Variants in CUX2 observed in about 807,000 individuals in gnomAD.
The protein encoded by CUX2 is homeobox protein cut-like 2.
CUX2 carries 40 observed loss-of-function variants against 144.8 expected under a neutral mutation model. The ratio of observed to expected loss-of-function variants is 0.28; its 90% confidence interval spans 0.21 to 0.36. The LOEUF (loss-of-function observed/expected upper bound fraction) is 0.36. CUX2 is among the 10% of genes least tolerant of loss of function. CUX2 has a pLI of 1.00. For missense variants in CUX2, 1,615 were observed against 1,994.0 expected, an observed-to-expected ratio of 0.81 and a Z score of 3.62; for synonymous variants, 827 against 875.6, an observed-to-expected ratio of 0.94 and a Z score of 0.98.
At chr12:111,330,714 T>TATATATATATACATATAC (rs1888065792) in intron 18 of CUX2, among the ~76,000 whole-genome samples, 9 of 36,454 alleles carry the variant, frequency 2.5e-4, no homozygotes, top group Admixed American at 2.1e-3. Flanking sequence ...TATATATATA[T>TATATATATATACATATAC]ATATATATAT....
rs1432438053 is a variant in CUX2, at chr12:111,077,421, C to G, written c.63+43181C>G. 6.6e-6 allele frequency among the ~76,000 whole-genome samples: 1 copy of G among 151,664 alleles called. No homozygotes were observed. The highest frequency in any genetic ancestry group is 2.4e-5 in the African/African-American group (1 of 41,352). ...TCGACCTGAACCCCCTGGACTTCTG[C>G]CCCCCTGGACTGATGGCCTAAATCC... On this transcript the variant is annotated intron_variant, in intron 1 of 21. Coordinates refer to ENST00000261726, the MANE Select transcript of CUX2 (RefSeq NM_015267.4). The surrounding 1 kb of genome is among the most constrained non-coding windows in gnomAD (Gnocchi z 4.1).
intron 18 of CUX2, among the ~76,000 whole-genome samples, chr12:111,333,635 C>T (rs550734874): frequency 6.6e-5 from 10 of 152,258 alleles, no homozygotes; most frequent in African/African-American, 2.2e-4. Context: ...GATGCCATGT[C>T]CTTCTCAGGC....
intron 18 of CUX2, among the ~76,000 whole-genome samples, chr12:111,329,229 T>A (rs1365207609): frequency 1.3e-5 from 2 of 150,892 alleles, no homozygotes; most frequent in Non-Finnish European, 3.0e-5. Flanking sequence ...GGTTGGTCAC[T>A]CTGCTCTCTC....
At chr12:111,199,200 A>G (rs577515998) in intron 1 of CUX2, among the ~76,000 whole-genome samples, 1 of 152,190 alleles carries the variant, frequency 6.6e-6, no homozygotes, top group East Asian at 1.9e-4. Flanking sequence ...GTTCAACATC[A>G]CTATTATTCT....
chr12:111,338,556 C>T, intron 20 of CUX2, 82 bp downstream of exon 20: 1 of 1,334,236 alleles, frequency 7.5e-7, no homozygotes, highest in Non-Finnish European at 1.0e-6. Context: ...CCCACATAAA[C>T]CCAGGGCTCC....
intron 1 of CUX2, among the ~76,000 whole-genome samples, chr12:111,149,991 G>A (rs1592941588): frequency 6.6e-6 from 1 of 152,150 alleles, no homozygotes; most frequent in African/African-American, 2.4e-5. Context: ...CAGGACATCC[G>A]GACAGTGACT....
intron 21 of CUX2, among the ~76,000 whole-genome samples, chr12:111,344,275 A>G (rs1392336357): frequency 2.0e-5 from 3 of 152,110 alleles, no homozygotes; most frequent in African/African-American, 7.2e-5. Flanking sequence ...TAGTGAACCA[A>G]TCCCCGCCCT....
Position 111,293,494 on chromosome 12 carries a change from G to C in CUX2, c.485G>C (p.Ser162Thr). Residue 162 changes from serine (S) to threonine (T), a missense_variant, in exon 6 of 22, where the codon AGC becomes ACC. Physicochemically the swap from Ser to Thr is moderately conservative, Grantham distance 58. Coordinates refer to ENST00000261726, the MANE Select transcript of CUX2 (RefSeq NM_015267.4). This position sits in a 1 kb window ranked among gnomAD's most constrained non-coding sequence, Gnocchi z 4.5. ...SPAGPTLTEG[S>T]RLPGIPGKAL... ...GCCGGGCCCACGCTGACCGAGGGAA[G>C]CCGCCTCCCAGGCATTCCCGGGAAA... is the stretch of plus-strand genomic sequence containing the variant. 6.2e-7 allele frequency: 1 copy of C among 1,608,334 alleles called. No homozygotes were observed. The highest frequency in any genetic ancestry group is 1.7e-5 in the Admixed American group (1 of 59,058).
Position 111,077,906 on chromosome 12 carries a change from T to C in CUX2, c.63+43666T>C, listed in dbSNP as rs2136038741. Among the ~76,000 whole-genome samples the C allele has an allele frequency of 6.6e-6, 1 of 152,310 alleles. No homozygotes were observed. The highest frequency in any genetic ancestry group is 1.5e-5 in the Non-Finnish European group (1 of 68,020). ...TCTGTGGTTATTGATGGGAAAAGCA[T>C]TTATTTGTCAATGAAGAAATTTTTG... On this transcript the variant is annotated intron_variant, in intron 1 of 21. Coordinates refer to ENST00000261726, the MANE Select transcript of CUX2 (RefSeq NM_015267.4). This position sits in a 1 kb window ranked among gnomAD's most constrained non-coding sequence, Gnocchi z 4.1.
chr12:111,292,871 C>A lies in CUX2; in HGVS notation c.437-575C>A, dbSNP rs749722994. On this transcript the variant is annotated intron_variant, in intron 5 of 21. Coordinates refer to ENST00000261726, the MANE Select transcript of CUX2 (RefSeq NM_015267.4). ...GGCACGTTGGCTCACGCCTGTAATCCCAGCACTTTGGGAGGCCAAGGCGGG... is the reference window on the plus strand; with the variant it reads ...GGCACGTTGGCTCACGCCTGTAATCACAGCACTTTGGGAGGCCAAGGCGGG... 2.6e-5 allele frequency among the ~76,000 whole-genome samples: 4 copies of A among 152,090 alleles called. No homozygotes were observed. The South Asian group carries it at 8.3e-4, about 31-fold the overall frequency.
chr12:111,236,747 G>A (rs1882772422), intron 3 of CUX2, among the ~76,000 whole-genome samples: 1 of 152,224 alleles, frequency 6.6e-6, no homozygotes, highest in Admixed American at 6.5e-5. Context: ...GGAGACCTGG[G>A]TTCAAACTCT....
chr12:111,307,524 T>A lies in CUX2; in HGVS notation c.1109+267T>A, dbSNP rs542628843. Reference sequence around the variant, plus strand: ...GGCAACAATGGGGAGACCCCATCTCTGTGAGAAAAAAACAATTTTAATTAG... The same window carrying A: ...GGCAACAATGGGGAGACCCCATCTCAGTGAGAAAAAAACAATTTTAATTAG... On this transcript the variant is annotated intron_variant, in intron 12 of 21. Coordinates refer to ENST00000261726, the MANE Select transcript of CUX2 (RefSeq NM_015267.4). The surrounding 1 kb of genome is among the most constrained non-coding windows in gnomAD (Gnocchi z 4.1). Among the ~76,000 whole-genome samples, 1 of 152,036 alleles carries A rather than the reference T, an allele frequency of 6.6e-6. No individual in the cohort carries two copies. Among genetic ancestry groups the A allele is most frequent in the East Asian group, 1.9e-4 (1 of 5,130 alleles).
At chr12:111,164,667 A>G (rs1878012759) in intron 1 of CUX2, among the ~76,000 whole-genome samples, 1 of 152,152 alleles carries the variant, frequency 6.6e-6, no homozygotes, top group African/African-American at 2.4e-5. Context: ...TCAGCCCCCC[A>G]AGGTGTTCGT....
chr12:111,183,327 G>C (rs894620197), intron 1 of CUX2, among the ~76,000 whole-genome samples: 1 of 152,242 alleles, frequency 6.6e-6, no homozygotes, highest in Non-Finnish European at 1.5e-5. Flanking sequence ...GCCTGCTGGG[G>C]GTGGCTCCTG....
At position 111,059,612 on chromosome 12, in the gene CUX2, G is replaced by A. The variant is rs1870677703; in HGVS notation, c.63+25372G>A. On this transcript the variant is annotated intron_variant, in intron 1 of 21. Coordinates refer to ENST00000261726, the MANE Select transcript of CUX2 (RefSeq NM_015267.4). The surrounding 1 kb of genome is among the most constrained non-coding windows in gnomAD (Gnocchi z 5.3). ...GTATCCTAGAGGTGGGGAGGTGGGA[G>A]ATGAAGTGGGGGCAGGGTGGCAGGA... is the stretch of plus-strand genomic sequence containing the variant. Among the ~76,000 whole-genome samples the A allele has an allele frequency of 2.0e-5, 3 of 152,164 alleles. No homozygotes were observed. The highest frequency in any genetic ancestry group is 4.8e-5 in the African/African-American group (2 of 41,418).
chr12:111,235,562 A>G (rs1477544111), intron 3 of CUX2, among the ~76,000 whole-genome samples: 1 of 152,074 alleles, frequency 6.6e-6, no homozygotes, highest in Non-Finnish European at 1.5e-5. Flanking sequence ...CTGTACTAAA[A>G]ATACAAAAAT....
In CUX2 at chr12:111,293,085, T is replaced by C. The variant is rs1375298417; in HGVS notation, c.437-361T>C. 6.6e-6 allele frequency among the ~76,000 whole-genome samples: 1 copy of C among 151,692 alleles called. No individual in the cohort carries two copies. The highest frequency in any genetic ancestry group is 1.5e-5 in the Non-Finnish European group (1 of 67,988). ...TTGCAGTAAGCTGAGATTGTGCCAC[T>C]GCACTCGCAGTCCAGCCTGGGCAAC... On this transcript the variant is annotated intron_variant, in intron 5 of 21. Coordinates refer to ENST00000261726, the MANE Select transcript of CUX2 (RefSeq NM_015267.4). The surrounding 1 kb of genome is among the most constrained non-coding windows in gnomAD (Gnocchi z 4.5).
intron 1 of CUX2, among the ~76,000 whole-genome samples, chr12:111,080,354 GT>G (rs1871813864): frequency 6.6e-6 from 1 of 152,062 alleles, no homozygotes; most frequent in Non-Finnish European, 1.5e-5. Context: ...CATTTACCTT[GT>G]TTGCTGATTT....
chr12:111,337,579 A>G (rs1888405298), intron 19 of CUX2, among the ~76,000 whole-genome samples: 1 of 152,252 alleles, frequency 6.6e-6, no homozygotes, highest in Admixed American at 6.5e-5. Context: ...GGGCAAGTGC[A>G]GCTATCCCAG....
Sources: gnomAD v4.1 joint callset for allele counts (sites outside exome capture counted in the v4.1 genomes callset) on GRCh38, gnomAD v4.1.1 for gene constraint, Gnocchi (gnomAD v3.1) non-coding constraint, MANE v1.5 for transcripts, NCBI Gene and HGNC (gene_info 2026-07-23, HGNC 2026-07-21) for gene names.